ALOX5AP: variants seen among roughly 807,000 people sequenced by gnomAD.
The protein encoded by ALOX5AP is arachidonate 5-lipoxygenase activating protein, also known as arachidonate 5-lipoxygenase-activating protein.
Under a neutral mutation model 18.5 loss-of-function variants are expected in ALOX5AP, and 9 were observed. That is an observed-to-expected ratio of 0.49 (90% CI 0.29 to 0.85). The LOEUF (loss-of-function observed/expected upper bound fraction) is 0.85, where lower values mean the gene tolerates loss of function less well. ALOX5AP is among the 40% of genes least tolerant of loss of function. The pLI, the probability that ALOX5AP is intolerant of heterozygous loss-of-function variation, is 0.08. For missense variants in ALOX5AP, 172 were observed against 202.5 expected (o/e 0.85, Z 0.91); for synonymous variants, 81 against 78.6 (o/e 1.03, Z -0.16).
At chr13:30,754,380 G>T (rs574686971) in intron 3 of ALOX5AP, among the ~76,000 whole-genome samples, 1 of 152,342 alleles carries the variant, frequency 6.6e-6, no homozygotes, top group Non-Finnish European at 1.5e-5. Context: ...GACACTCATT[G>T]CTGGTGTGTG....
At chr13:30,727,278 A>G (rs1951646414) in intron 1 of ALOX5AP, among the ~76,000 whole-genome samples, 1 of 152,052 alleles carries the variant, frequency 6.6e-6, no homozygotes, top group Non-Finnish European at 1.5e-5. Context: ...TCCTGGCCTC[A>G]AGTGACCCAC....
chr13:30,745,120 C>CCGGTA (rs1457869086), intron 2 of ALOX5AP, among the ~76,000 whole-genome samples: 2 of 152,218 alleles, frequency 1.3e-5, no homozygotes, highest in East Asian at 3.8e-4. Context: ...TTCAGGGGTA[C>CCGGTA]CGTTGGTTTC....
upstream of ALOX5AP, among the ~76,000 whole-genome samples, chr13:30,734,633 C>T (rs1469837944): frequency 6.6e-6 from 1 of 152,240 alleles, no homozygotes; most frequent in East Asian, 1.9e-4. Flanking sequence ...CCACTCTACT[C>T]TTATTCAGTT....
upstream of ALOX5AP, among the ~76,000 whole-genome samples, chr13:30,734,683 GA>G (rs1204435741): frequency 6.6e-6 from 1 of 152,216 alleles, no homozygotes; most frequent in Non-Finnish European, 1.5e-5. Flanking sequence ...GATTGCCTCA[GA>G]AAAGTCAGTT....
upstream of ALOX5AP, among the ~76,000 whole-genome samples, chr13:30,734,732 C>A (rs983475400): frequency 1.3e-5 from 2 of 152,222 alleles, no homozygotes; most frequent in African/African-American, 4.8e-5. Flanking sequence ...TCTGTAACTC[C>A]ATTTCTGCCT....
intron 4 of ALOX5AP, among the ~76,000 whole-genome samples, chr13:30,757,574 A>T: frequency 6.6e-6 from 1 of 152,252 alleles, no homozygotes; most frequent in South Asian, 2.1e-4. Context: ...TCTAGCAATG[A>T]AATAAGAGGG....
upstream of ALOX5AP, among the ~76,000 whole-genome samples, chr13:30,732,534 C>T (rs1256332663): frequency 1.3e-5 from 2 of 152,216 alleles, no homozygotes; most frequent in Non-Finnish European, 1.5e-5. Context: ...GTCAGTCCCC[C>T]TCTGCCACAT....
Position 30,744,044 on chromosome 13 carries a change from C to A in ALOX5AP, c.71-16C>A, listed in dbSNP as rs200490573. 1.7e-5 allele frequency: 27 copies of A among 1,609,800 alleles called. No homozygotes were observed. Among genetic ancestry groups the A allele is most frequent in the Non-Finnish European group, 2.2e-5 (26 of 1,176,144 alleles). ...ATGCCCACAATGAACCAGATGCAAACCTTTTCCCTTGGCAGGATTCTTTGC... is the reference window on the plus strand; with the variant it reads ...ATGCCCACAATGAACCAGATGCAAAACTTTTCCCTTGGCAGGATTCTTTGC... On this transcript the variant is annotated splice_polypyrimidine_tract_variant and intron_variant, in intron 1 of 4. Coordinates refer to ENST00000380490, the MANE Select transcript of ALOX5AP (RefSeq NM_001629.4).
chr13:30,724,222 T>C (rs1218483322), intron 1 of ALOX5AP, among the ~76,000 whole-genome samples: 1 of 152,258 alleles, frequency 6.6e-6, no homozygotes, highest in Non-Finnish European at 1.5e-5. Context: ...TGTCTTCTTC[T>C]GCTCAGTGTA....
At chr13:30,749,080 G>A (rs1951831638) in intron 2 of ALOX5AP, among the ~76,000 whole-genome samples, 1 of 152,252 alleles carries the variant, frequency 6.6e-6, no homozygotes, top group Admixed American at 6.5e-5. Flanking sequence ...GAATATTCTG[G>A]AAATCCACAG....
intron 1 of ALOX5AP, among the ~76,000 whole-genome samples, chr13:30,743,065 T>C (rs569968398): frequency 3.2e-4 from 49 of 152,026 alleles, no homozygotes; most frequent in Non-Finnish European, 4.6e-4. Context: ...CTGTCAGTAA[T>C]TCCTTGTTGC....
At chr13:30,751,255 G>T (rs543080836) in intron 2 of ALOX5AP, among the ~76,000 whole-genome samples, 1 of 152,174 alleles carries the variant, frequency 6.6e-6, no homozygotes, top group African/African-American at 2.4e-5. Flanking sequence ...GTAGAGACAG[G>T]GTTTCACCAT....
intron 1 of ALOX5AP, among the ~76,000 whole-genome samples, chr13:30,725,249 T>C (rs1437187529): frequency 6.6e-6 from 1 of 152,218 alleles, no homozygotes; most frequent in Non-Finnish European, 1.5e-5. Context: ...CAAGGAGTCC[T>C]GGGGAAGAGG....
chr13:30,756,762 G>A (rs1228636490), intron 4 of ALOX5AP, among the ~76,000 whole-genome samples: 2 of 138,638 alleles, frequency 1.4e-5, no homozygotes, highest in Non-Finnish European at 3.0e-5. Context: ...GCAGTGAGCC[G>A]AGATTGCGCC....
chr13:30,745,917 G>A (rs1262363096), intron 2 of ALOX5AP, among the ~76,000 whole-genome samples: 1 of 152,254 alleles, frequency 6.6e-6, no homozygotes, highest in Non-Finnish European at 1.5e-5. Context: ...GTCACATTGT[G>A]TTCCTATGGA....
At chr13:30,752,769 A>G (rs4072653) in intron 3 of ALOX5AP, among the ~76,000 whole-genome samples, 35,497 of 152,216 alleles carry the variant, frequency 0.23, 5,205 homozygotes, top group Non-Finnish European at 0.32. Flanking sequence ...GAAAGGCCAC[A>G]CTCAGTCCCA....
At chr13:30,738,907 G>A (rs1446173745) in intron 1 of ALOX5AP, among the ~76,000 whole-genome samples, 4 of 151,964 alleles carry the variant, frequency 2.6e-5, no homozygotes, top group Admixed American at 2.0e-4. Context: ...GGAGGGAAAT[G>A]GAGCTGCTGT....
At chr13:30,732,659 G>C (rs1034401362), upstream of ALOX5AP, among the ~76,000 whole-genome samples, 1 of 152,180 alleles carries the variant, frequency 6.6e-6, no homozygotes, top group African/African-American at 2.4e-5. Flanking sequence ...TTAGATGAGA[G>C]AAGTCAGTCT....
At chr13:30,738,513 C>A (rs1593435048) in intron 1 of ALOX5AP, among the ~76,000 whole-genome samples, 1 of 152,338 alleles carries the variant, frequency 6.6e-6, no homozygotes, top group East Asian at 1.9e-4. Flanking sequence ...GGGCTCAAAT[C>A]TGTCTCCCCA....
Sources: gnomAD v4.1 joint callset for allele counts (sites outside exome capture counted in the v4.1 genomes callset) on GRCh38, gnomAD v4.1.1 for gene constraint, MANE v1.5 for transcripts, NCBI Gene and HGNC (gene_info 2026-07-23, HGNC 2026-07-21) for gene names.